The following IGDCC4 variants were observed in gnomAD, a reference collection of about 807,000 sequenced individuals.
IGDCC4 encodes the protein immunoglobulin superfamily DCC subclass member 4, also known as likely ortholog of mouse neighbor of Punc E11.
IGDCC4 carries 72 observed loss-of-function variants against 116.6 expected under a neutral mutation model. The observed-to-expected ratio is 0.62, with a 90% CI of 0.51 to 0.75. The LOEUF (loss-of-function observed/expected upper bound fraction) is 0.75, where lower values mean the gene tolerates loss of function less well. Ranked by LOEUF, IGDCC4 falls within the 30% of genes least tolerant of loss-of-function variation. The pLI is 0.00. For missense variants in IGDCC4, 1,501 were observed against 1,662.4 expected, an observed-to-expected ratio of 0.90 and a Z score of 1.69; for synonymous variants, 709 against 719.9, an observed-to-expected ratio of 0.98 and a Z score of 0.24.
In IGDCC4 at chr15:65,386,596, C is replaced by T. The variant is rs2091462521; in HGVS notation, c.2906G>A (p.Cys969Tyr). ...IIVGVCLGLL[C>Y]LLACMCAGLR... Reference sequence around the variant, plus strand: ...GCCAGCACACATGCAGGCCAGGAGGCAGAGGAGGCCCAGGCAGACACCCAC... The same window carrying T: ...GCCAGCACACATGCAGGCCAGGAGGTAGAGGAGGCCCAGGCAGACACCCAC... The change falls in exon 17 of 20, where the codon TGC (cysteine) becomes TAC (tyrosine). Residue 969 changes from cysteine to tyrosine, a missense_variant. Around this residue, in one of 3 missense-constraint regions of IGDCC4, gnomAD observed 235 missense variants for 328.0 expected, o/e 0.72. Coordinates refer to ENST00000352385, the MANE Select transcript of IGDCC4 (RefSeq NM_020962.3). 1.9e-6 allele frequency: 3 copies of T among 1,611,888 alleles called. No homozygotes were observed. Among genetic ancestry groups the T allele is most frequent in the South Asian group, 1.1e-5 (1 of 90,456 alleles).
intron 4 of IGDCC4, among the ~76,000 whole-genome samples, 185 bp from the exon 5 acceptor site, chr15:65,401,131 T>G (rs2062981882): frequency 6.6e-6 from 1 of 152,164 alleles, no homozygotes; most frequent in South Asian, 2.1e-4. Context: ...GCTGTTTCTT[T>G]TAGAGCCAGA....
chr15:65,406,673 G>T (rs1169858058), intron 3 of IGDCC4, among the ~76,000 whole-genome samples: 1 of 152,206 alleles, frequency 6.6e-6, no homozygotes, highest in East Asian at 1.9e-4. Flanking sequence ...CATACCTTGG[G>T]CATAATCAAG....
intron 13 of IGDCC4, among the ~76,000 whole-genome samples, 189 bp from the exon 14 acceptor site, chr15:65,389,600 C>T (rs2091493555): frequency 6.6e-6 from 1 of 152,210 alleles, no homozygotes; most frequent in South Asian, 2.1e-4. Context: ...TATGCTGCTC[C>T]AAGTCCAATC....
chr15:65,391,837 C>T, intron 12 of IGDCC4, 43 bp downstream of exon 12: 2 of 1,548,482 alleles, frequency 1.3e-6, no homozygotes, highest in Non-Finnish European at 1.8e-6. Context: ...CTAGCAGAGC[C>T]CTCACCTGAG....
At chr15:65,413,058 G>C (rs2063113270) in intron 1 of IGDCC4, among the ~76,000 whole-genome samples, 1 of 146,880 alleles carries the variant, frequency 6.8e-6, no homozygotes. Context: ...GTGTGTGTGT[G>C]TGAATACTAT....
intron 7 of IGDCC4, 84 bp downstream of exon 7, chr15:65,395,666 A>AC: frequency 1.5e-6 from 2 of 1,340,576 alleles, no homozygotes; most frequent in East Asian, 5.6e-5. Flanking sequence ...CCATCAGGCA[A>AC]CCCTTCAGTC....
At position 65,395,156 on chromosome 15, in the gene IGDCC4, G is replaced by A. The variant is rs756666086; in HGVS notation, c.1514C>T (p.Ala505Val). The A allele has an allele frequency of 1.2e-6, 2 of 1,613,910 alleles. No individual in the cohort carries two copies. The highest frequency in any genetic ancestry group is 1.7e-6 in the Non-Finnish European group (2 of 1,179,878). Residue 505 changes from alanine to valine, a missense_variant, in exon 8 of 20, where the codon GCC (alanine) becomes GTC (valine). Ala to Val is a moderately conservative substitution (Grantham distance 64, BLOSUM62 0). This residue lies in a region of IGDCC4 where 898 missense variants were observed against 978.9 expected (regional missense o/e 0.92). Coordinates refer to ENST00000352385, the MANE Select transcript of IGDCC4 (RefSeq NM_020962.3). ...PNTDYEFYVV[A>V]YSQLGASRTS... is the part of the protein sequence containing the mutation. The stretch of plus-strand genomic sequence containing the variant: ...GCGGCTGGCTCCCAGCTGGGAGTAG[G>A]CCACCACGTAGAACTCATAATCTGT...
In IGDCC4 at chr15:65,391,989, A is replaced by G. The variant is rs368512601; in HGVS notation, c.2123-8T>C. ...CGTACAGCCGGCCAGGGACTGGGGA[A>G]GGTTACAGGGCTTAATGGCTAGGGG... is the stretch of plus-strand genomic sequence containing the variant. On this transcript the variant is annotated splice_polypyrimidine_tract_variant and splice_region_variant and intron_variant, in intron 11 of 19. Transcript: ENST00000352385. 2 of 1,605,404 alleles carry G rather than the reference A, an allele frequency of 1.2e-6. No individual in the cohort carries two copies. Among genetic ancestry groups the G allele is most frequent in the Non-Finnish European group, 1.7e-6 (2 of 1,175,676 alleles).
intron 1 of IGDCC4, among the ~76,000 whole-genome samples, chr15:65,412,511 C>CAAAAAAAAAAAAA (rs3082805): frequency 3.6e-4 from 6 of 16,718 alleles, no homozygotes; most frequent in Non-Finnish European, 4.7e-4. Context: ...GATTCCATCT[C>CAAAAAAAAAAAAA]AAAAAAAAAA....
intron 1 of IGDCC4, 115 bp downstream of exon 1, chr15:65,422,678 C>T: frequency 1.2e-6 from 1 of 831,812 alleles, no homozygotes. Flanking sequence ...GACGCGCAGC[C>T]CCCGCACTTG....
intron 17 of IGDCC4, 121 bp from the exon 18 acceptor site, chr15:65,386,180 G>C (rs2091456753): frequency 1.5e-6 from 1 of 669,814 alleles, no homozygotes; most frequent in Admixed American, 3.0e-5. Context: ...TTGCTTTCCT[G>C]GTCTGTGCAA....
chr15:65,387,018 C>T (rs1049323458), intron 16 of IGDCC4, among the ~76,000 whole-genome samples: 1 of 152,068 alleles, frequency 6.6e-6, no homozygotes, highest in Non-Finnish European at 1.5e-5. Flanking sequence ...GCTGTCACCA[C>T]CTTAAAATTC....
rs373074584 is a variant in IGDCC4 at position 65,387,436 on chromosome 15, C to T, written c.2846-780G>A. Among the ~76,000 whole-genome samples the T allele has an allele frequency of 9.2e-5, 14 of 152,298 alleles. 1 individual carries two copies. Among genetic ancestry groups the T allele is most frequent in the African/African-American group, 3.4e-4 (14 of 41,568 alleles). ...TGATCTCGGCTCACTGCAAGCTCCTCCTCCCGGGTTCACGCCATTCTCCTG... is the reference window on the plus strand; with the variant it reads ...TGATCTCGGCTCACTGCAAGCTCCTTCTCCCGGGTTCACGCCATTCTCCTG... On this transcript the variant is annotated intron_variant, in intron 16 of 19. Transcript: ENST00000352385.
At chr15:65,386,528 G>C (rs780180921) in intron 17 of IGDCC4, 23 bp downstream of exon 17, 14 of 1,573,118 alleles carry the variant, frequency 8.9e-6, no homozygotes, top group Admixed American at 7.4e-5. Context: ...CTTCCCTGAA[G>C]TCAGACTGGC....
Position 65,382,806 on chromosome 15 carries a change from TC to T in IGDCC4, c.*1202del, listed in dbSNP as rs1332094727. On this transcript the variant is annotated 3_prime_UTR_variant, in exon 20 of 20. Coordinates refer to ENST00000352385, the MANE Select transcript of IGDCC4 (RefSeq NM_020962.3). ...CCCTGAACTCTCACTCCCCTTCTCT[TC>T]CTTTAGCTTCTTCTGGAAGAGAGGC... 2 of 152,110 alleles carry T rather than the reference TC, an allele frequency of 1.3e-5. No individual in the cohort carries two copies. Among genetic ancestry groups the T allele is most frequent in the African/African-American group, 4.8e-5 (2 of 41,396 alleles). The allele number at this position is 152,110 out of a possible 1,614,324, so 9.4% of individuals were successfully genotyped here.
intron 3 of IGDCC4, among the ~76,000 whole-genome samples, chr15:65,408,377 C>G (rs1055405931): frequency 6.6e-6 from 1 of 152,134 alleles, no homozygotes; most frequent in African/African-American, 2.4e-5. Context: ...CAGGAGGCAC[C>G]CATCATCACA....
intron 18 of IGDCC4, 55 bp downstream of exon 18, chr15:65,385,776 G>T (rs2091449203): frequency 7.1e-7 from 1 of 1,416,114 alleles, no homozygotes. Flanking sequence ...GTTGTGCTCT[G>T]TCGCCCCCTG....
intron 3 of IGDCC4, among the ~76,000 whole-genome samples, chr15:65,409,528 G>A (rs2063069545): frequency 6.6e-6 from 1 of 152,188 alleles, no homozygotes; most frequent in Non-Finnish European, 1.5e-5. Context: ...TTTCTGGTAC[G>A]CTGCATACAC....
intron 17 of IGDCC4, 68 bp downstream of exon 17, chr15:65,386,483 G>A: frequency 1.5e-6 from 2 of 1,358,226 alleles, no homozygotes; most frequent in South Asian, 2.5e-5. Context: ...CACTTTCCCT[G>A]ATGGCCCATT....
Sources: gnomAD v4.1 joint callset for allele counts (sites outside exome capture counted in the v4.1 genomes callset) on GRCh38, gnomAD v4.1.1 for gene constraint, gnomAD v4.1.1 regional missense constraint, MANE v1.5 for transcripts, NCBI Gene and HGNC (gene_info 2026-07-23, HGNC 2026-07-21) for gene names.